The following TIAM2 variants were observed in gnomAD, a reference collection of about 807,000 sequenced individuals.
TIAM2 encodes rho guanine nucleotide exchange factor TIAM2.
In TIAM2, 80 loss-of-function variants were observed where a neutral mutation model predicts 152.9. The observed-to-expected ratio is 0.52, with a 90% CI of 0.44 to 0.63. The LOEUF is 0.63. Ranked by LOEUF, TIAM2 falls within the 30% of genes least tolerant of loss-of-function variation. TIAM2 has a pLI of 0.00. For missense variants in TIAM2, 1,965 were observed against 2,120.1 expected (o/e 0.93, Z 1.44); for synonymous variants, 804 against 838.0 (o/e 0.96, Z 0.70).
chr6:155,006,644 C>T (rs1308302082), intron 1 of TIAM2, among the ~76,000 whole-genome samples: 1 of 142,908 alleles, frequency 7.0e-6, no homozygotes, highest in African/African-American at 2.6e-5. Context: ...TCAGCCTGGG[C>T]GACATTTTTA....
At chr6:155,179,520 C>A in intron 12 of TIAM2, 64 bp downstream of exon 12, 1 of 1,447,254 alleles carries the variant, frequency 6.9e-7, no homozygotes, top group East Asian at 2.4e-5. Flanking sequence ...TTTGCCCCAG[C>A]ATCTTTGGAC....
intron 14 of TIAM2, among the ~76,000 whole-genome samples, chr6:155,187,739 T>C (rs962471473): frequency 1.3e-5 from 2 of 151,796 alleles, no homozygotes; most frequent in African/African-American, 4.8e-5. Flanking sequence ...CCACCACGCC[T>C]GGCTAATTTT....
At chr6:155,232,222 G>A (rs956976755) in intron 15 of TIAM2, among the ~76,000 whole-genome samples, 10 of 151,816 alleles carry the variant, frequency 6.6e-5, no homozygotes, top group Non-Finnish European at 1.0e-4. Flanking sequence ...TGACTTTTAC[G>A]AAGTTCAGAG....
At chr6:155,105,520 T>C (rs1401051382) in intron 2 of TIAM2, among the ~76,000 whole-genome samples, 6 of 152,144 alleles carry the variant, frequency 3.9e-5, no homozygotes, top group African/African-American at 1.4e-4. Context: ...GGTCTTGAAC[T>C]CCTGGGCTCA....
chr6:155,248,561 G>A (rs1389101499), intron 20 of TIAM2, among the ~76,000 whole-genome samples: 5 of 152,190 alleles, frequency 3.3e-5, no homozygotes, highest in South Asian at 2.1e-4. Context: ...TGTGGGGTTC[G>A]CTGCCCGAGC....
chr6:155,079,330 G>A (rs935937587), intron 1 of TIAM2, among the ~76,000 whole-genome samples: 2 of 152,148 alleles, frequency 1.3e-5, no homozygotes, highest in African/African-American at 4.8e-5. Flanking sequence ...CCAAAGTGCC[G>A]GGATTACAGA....
chr6:155,220,337 C>T (rs922989807), intron 15 of TIAM2, among the ~76,000 whole-genome samples: 2 of 152,204 alleles, frequency 1.3e-5, no homozygotes, highest in African/African-American at 4.8e-5. Flanking sequence ...TGTGTTTTCT[C>T]TATTAAACAT....
rs1207183997 is a variant in TIAM2, at chr6:155,174,661, G to A, written c.2362-2155G>A. On this transcript the variant is annotated intron_variant, in intron 9 of 26. Transcript: ENST00000682666. This position sits in a 1 kb window ranked among gnomAD's most constrained non-coding sequence, Gnocchi z 4.2. ...TGGAATTACAGACGTGAGCCATGGC[G>A]CCCGGCCAAGTGATACAGTCTTTCT... Among the ~76,000 whole-genome samples, 3 of 152,186 alleles carry A rather than the reference G, an allele frequency of 2.0e-5. No homozygotes were observed. The highest frequency in any genetic ancestry group is 7.2e-5 in the African/African-American group (3 of 41,458).
chr6:155,166,282 A>T (rs1780433005), intron 9 of TIAM2, among the ~76,000 whole-genome samples: 1 of 151,718 alleles, frequency 6.6e-6, no homozygotes, highest in Non-Finnish European at 1.5e-5. Context: ...TCCCTTGGGG[A>T]AAGGTGACTC....
intron 15 of TIAM2, among the ~76,000 whole-genome samples, chr6:155,227,751 CAA>C (rs1325799013): frequency 6.6e-5 from 10 of 152,154 alleles, no homozygotes; most frequent in African/African-American, 2.2e-4. Flanking sequence ...CCCCCGTCGA[CAA>C]GAGGAATCTG....
At chr6:155,138,431 CTT>C (rs111424436) in intron 5 of TIAM2, among the ~76,000 whole-genome samples, 1 of 141,226 alleles carries the variant, frequency 7.1e-6, no homozygotes, top group Non-Finnish European at 1.6e-5. Flanking sequence ...GTGCAGCCGT[CTT>C]TTTTTTTTTT....
chr6:155,077,888 C>T (rs1583179324), intron 1 of TIAM2, among the ~76,000 whole-genome samples: 1 of 152,178 alleles, frequency 6.6e-6, no homozygotes, highest in African/African-American at 2.4e-5. Context: ...ATGTGGCTGG[C>T]ATTCTTATGA....
At position 155,248,229 on chromosome 6, in the gene TIAM2, G is replaced by A. The variant is rs561606379; in HGVS notation, c.3832+50G>A. On this transcript the variant is annotated intron_variant, in intron 20 of 26. Transcript: ENST00000682666. Reference sequence around the variant, plus strand: ...GCGAGGGCCTGCACAGGGCGGCGAGGGGCTGCCAGCCGTGCCCTGGGCCTG... The same window carrying A: ...GCGAGGGCCTGCACAGGGCGGCGAGAGGCTGCCAGCCGTGCCCTGGGCCTG... 9.6e-6 allele frequency: 15 copies of A among 1,568,776 alleles called. No individual in the cohort carries two copies. In the South Asian group the frequency reaches 1.5e-4, roughly 16 times the overall value.
At chr6:155,097,849 G>C (rs1778451989) in intron 2 of TIAM2, among the ~76,000 whole-genome samples, 2 of 152,116 alleles carry the variant, frequency 1.3e-5, no homozygotes, top group South Asian at 4.1e-4. Context: ...GTGAGAGATG[G>C]AGTCTAATTT....
rs573958637 is a variant in TIAM2 at position 155,031,700 on chromosome 6, G to C, written c.-209+36208G>C. 6.5e-4 allele frequency among the ~76,000 whole-genome samples: 99 copies of C among 152,236 alleles called. 1 individual carries two copies. The highest frequency in any genetic ancestry group is 4.7e-4 in the Non-Finnish European group (32 of 68,032). On this transcript the variant is annotated intron_variant, in intron 1 of 26. Coordinates refer to ENST00000682666, the MANE Select transcript of TIAM2 (RefSeq NM_012454.4). ...GATCACACCATTGCACTCCAGCCTGGGCACAGAGTGTGTGTCTCTGGCCTT... is the reference window on the plus strand; with the variant it reads ...GATCACACCATTGCACTCCAGCCTGCGCACAGAGTGTGTGTCTCTGGCCTT...
At chr6:155,226,895 T>G (rs928739965) in intron 15 of TIAM2, among the ~76,000 whole-genome samples, 2 of 152,170 alleles carry the variant, frequency 1.3e-5, no homozygotes, top group African/African-American at 4.8e-5. Flanking sequence ...AAGCTGTTTG[T>G]TTTGCGCCCC....
intron 1 of TIAM2, among the ~76,000 whole-genome samples, chr6:155,067,291 C>T (rs1041876021): frequency 2.6e-5 from 4 of 152,110 alleles, no homozygotes; most frequent in African/African-American, 9.7e-5. Flanking sequence ...GAACCTTTCT[C>T]ACCCCAAGCG....
chr6:155,175,124 C>T (rs1301180605), intron 9 of TIAM2, among the ~76,000 whole-genome samples: 1 of 152,186 alleles, frequency 6.6e-6, no homozygotes, highest in African/African-American at 2.4e-5. Flanking sequence ...GCATCTGGTC[C>T]TGTCTTTTCC....
chr6:155,026,874 G>A (rs188063984), intron 1 of TIAM2, among the ~76,000 whole-genome samples: 17 of 152,194 alleles, frequency 1.1e-4, no homozygotes, highest in East Asian at 1.9e-4. Context: ...ATGGTGAGAC[G>A]GTGTAACGGA....
Sources: gnomAD v4.1 joint callset for allele counts (sites outside exome capture counted in the v4.1 genomes callset) on GRCh38, gnomAD v4.1.1 for gene constraint, Gnocchi (gnomAD v3.1) non-coding constraint, MANE v1.5 for transcripts, NCBI Gene and HGNC (gene_info 2026-07-23, HGNC 2026-07-21) for gene names.